MLLT10: variants seen among roughly 807,000 people sequenced by gnomAD.
MLLT10 encodes the protein protein AF-10.
MLLT10 carries 30 observed loss-of-function variants against 129.1 expected under a neutral mutation model. That is an observed-to-expected ratio of 0.23 (90% CI 0.17 to 0.32). The LOEUF is 0.32. MLLT10 is among the 10% of genes least tolerant of loss of function. The pLI is 1.00. For missense variants in MLLT10, 1,119 were observed against 1,268.3 expected, an observed-to-expected ratio of 0.88 and a Z score of 1.79; for synonymous variants, 490 against 446.4, an observed-to-expected ratio of 1.10 and a Z score of -1.23.
At chr10:21,555,858 G>C (rs1025303298) in intron 3 of MLLT10, among the ~76,000 whole-genome samples, 1 of 150,852 alleles carries the variant, frequency 6.6e-6, no homozygotes, top group Admixed American at 6.6e-5. Context: ...GTAGGAACAG[G>C]GTTTCTTCAT....
chr10:21,539,076 T>C (rs949404800), intron 3 of MLLT10, 164 bp downstream of exon 3: 1 of 500,480 alleles, frequency 2.0e-6, no homozygotes, highest in African/African-American at 1.9e-5. Context: ...ACAGATTTTG[T>C]AAAACTGAAA....
chr10:21,639,316 A>G (rs1043411659), intron 8 of MLLT10, among the ~76,000 whole-genome samples: 6 of 152,162 alleles, frequency 3.9e-5, no homozygotes, highest in Non-Finnish European at 8.8e-5. Context: ...CAGATTACAC[A>G]GGTTGGGAAC....
intron 5 of MLLT10, among the ~76,000 whole-genome samples, chr10:21,605,625 GT>G (rs1454285475): frequency 6.6e-6 from 1 of 151,984 alleles, no homozygotes; most frequent in Non-Finnish European, 1.5e-5. Context: ...ATTGTTTATA[GT>G]GACTGGGTAT....
At position 21,534,541 on chromosome 10, in the gene MLLT10, C is replaced by T. The variant is rs1191097714; in HGVS notation, c.-1+21C>T. 6 of 996,326 alleles carry T rather than the reference C, an allele frequency of 6.0e-6. No individual in the cohort carries two copies. In the African/African-American group the frequency reaches 1.6e-4, roughly 27 times the overall value. The allele number at this position is 996,326 out of a possible 1,614,324, so 61.7% of individuals were successfully genotyped here. ...CCCGAGTGAGCGAGCGGTGGGCTGC[C>T]GGGCCGGGCGGGGGGCGCCGGGGCG... On this transcript the variant is annotated intron_variant, in intron 1 of 22. Transcript: ENST00000307729.
rs1017511147 is a variant in MLLT10, at chr10:21,738,601, C to T, written c.2956-1429C>T. 1.1e-5 allele frequency: 13 copies of T among 1,205,102 alleles called. No homozygotes were observed. The Admixed American group carries it at 1.5e-4, about 14-fold the overall frequency. 74.7% of individuals were successfully genotyped at this position (1,205,102 alleles called of 1,614,324 possible). A position where few individuals can be genotyped will look rare whatever the true frequency, so the allele number is the denominator to read the frequency against. ...AAGCCTCCGCACAGCTTCCGCTCGA[C>T]ACTCTTGCTTGACTCTGCTTCCCCC... is the stretch of plus-strand genomic sequence containing the variant. On this transcript the variant is annotated intron_variant, in intron 21 of 22. Coordinates refer to ENST00000307729, the MANE Select transcript of MLLT10 (RefSeq NM_001195626.3).
chr10:21,557,936 C>CTTTTTTTTTTTTTTTTTTTTTT (rs67489331), intron 3 of MLLT10: 2 of 126,654 alleles, frequency 1.6e-5, no homozygotes, highest in Non-Finnish European at 1.6e-5. Flanking sequence ...TATTATTTTT[C>CTTTTTTTTTTTTTTTTTTTTTT]TTTTTTTTTT....
At chr10:21,718,482 AT>A (rs1185198430) in intron 14 of MLLT10, among the ~76,000 whole-genome samples, 1 of 152,010 alleles carries the variant, frequency 6.6e-6, no homozygotes, top group African/African-American at 2.4e-5. Context: ...TTGAAGGATG[AT>A]TTCTTTAGTA....
chr10:21,614,758 A>G, intron 6 of MLLT10, 73 bp from the exon 7 acceptor site: 1 of 1,182,550 alleles, frequency 8.5e-7, no homozygotes, highest in Non-Finnish European at 1.2e-6. Flanking sequence ...ATTGGAAGTA[A>G]ATTTTATTTG....
intron 3 of MLLT10, among the ~76,000 whole-genome samples, chr10:21,581,249 G>A (rs1425321042): frequency 3.3e-5 from 5 of 151,118 alleles, no homozygotes; most frequent in South Asian, 2.1e-4. Flanking sequence ...GGGTTTCACC[G>A]TGTTAGCCAG....
intron 9 of MLLT10, among the ~76,000 whole-genome samples, chr10:21,665,804 C>T (rs1426320755): frequency 1.3e-5 from 2 of 152,060 alleles, no homozygotes; most frequent in African/African-American, 2.4e-5. Context: ...TCTCGGCTCA[C>T]GGCAACCTCT....
chr10:21,681,982 C>T (rs952452754), intron 12 of MLLT10, among the ~76,000 whole-genome samples: 6 of 152,146 alleles, frequency 3.9e-5, no homozygotes, highest in African/African-American at 1.2e-4. Flanking sequence ...AAATTATTGT[C>T]GTTATGACAA....
intron 9 of MLLT10, among the ~76,000 whole-genome samples, chr10:21,669,713 T>C (rs997710305): frequency 2.0e-5 from 3 of 152,316 alleles, no homozygotes; most frequent in Middle Eastern, 3.4e-3. Context: ...GTAGTCATTT[T>C]ATTCACCATT....
chr10:21,637,207 G>T (rs915621706), intron 8 of MLLT10, among the ~76,000 whole-genome samples: 2 of 152,122 alleles, frequency 1.3e-5, no homozygotes, highest in African/African-American at 4.8e-5. Flanking sequence ...AGGCCTGTGG[G>T]GTTCCAAAGG....
intron 9 of MLLT10, among the ~76,000 whole-genome samples, chr10:21,669,920 T>C (rs564456022): frequency 2.0e-5 from 3 of 152,040 alleles, no homozygotes; most frequent in African/African-American, 7.2e-5. Context: ...TTCAAATCTT[T>C]CTGTTTTTTT....
chr10:21,582,100 T>A (rs2041520119), intron 3 of MLLT10, among the ~76,000 whole-genome samples: 1 of 152,062 alleles, frequency 6.6e-6, no homozygotes, highest in Admixed American at 6.6e-5. Flanking sequence ...TTTCTTATAG[T>A]ACATTGTTAT....
At chr10:21,549,120 T>TC (rs1476550060) in intron 3 of MLLT10, among the ~76,000 whole-genome samples, 1 of 137,974 alleles carries the variant, frequency 7.2e-6, no homozygotes, top group Non-Finnish European at 1.6e-5. Context: ...AGGAGCTTAT[T>TC]CCTTTTTTTT....
chr10:21,614,561 A>G (rs946728468), intron 6 of MLLT10, among the ~76,000 whole-genome samples: 10 of 152,094 alleles, frequency 6.6e-5, no homozygotes, highest in South Asian at 2.1e-4. Flanking sequence ...CTATTTGGAG[A>G]CATAAAACAT....
At chr10:21,607,173 C>CA (rs1030815659) in intron 5 of MLLT10, among the ~76,000 whole-genome samples, 1 of 152,038 alleles carries the variant, frequency 6.6e-6, no homozygotes, top group African/African-American at 2.4e-5. Context: ...TTTTTACCAG[C>CA]AAAAAGATAA....
Position 21,727,878 on chromosome 10 carries a change from C to T in MLLT10, c.2013C>T (p.Ser671=). The change falls in exon 16 of 23, where the codon AGC becomes AGT. Residue 671 remains serine (S), a synonymous_variant. Transcript: ENST00000307729. ...CAGATCAAGATCTTGGAGACAATAG[C>T]CGCAACCTAGTTGGCAGAGGAAGCT... ...NQTDQDLGDN[S]RNLVGRGSSP... is the part of the protein sequence containing the mutation. The T allele has an allele frequency of 6.2e-7, 1 of 1,613,958 alleles. No homozygotes were observed.
Sources: allele counts gnomAD v4.1 joint callset (sites outside exome capture counted in the v4.1 genomes callset), GRCh38; gene constraint gnomAD v4.1.1; transcripts MANE v1.5; gene names NCBI Gene and HGNC (gene_info 2026-07-23, HGNC 2026-07-21).